XPO5: variants seen among roughly 807,000 people sequenced by gnomAD.
XPO5 encodes exportin 5.
A neutral mutation model predicts 160.6 loss-of-function variants in XPO5; 46 were observed. The ratio of observed to expected loss-of-function variants is 0.29; its 90% CI spans 0.23 to 0.37. The LOEUF (loss-of-function observed/expected upper bound fraction) is 0.37, where lower values mean the gene tolerates loss of function less well. Ranked by LOEUF, XPO5 falls within the 10% of genes least tolerant of loss-of-function variation. XPO5 has a pLI of 1.00. For synonymous variants in XPO5, 537 were observed against 519.3 expected (o/e 1.03, Z -0.46); for missense variants, 1,090 against 1,463.9 (o/e 0.74, Z 4.17).
chr6:43,529,399 AAAAAATT>A, intron 23 of XPO5: 1 of 375,796 alleles, frequency 2.7e-6, no homozygotes, highest in Non-Finnish European at 5.0e-6. Flanking sequence ...AAAAAAAAAA[AAAAAATT>A]AGTCGGGCAT....
chr6:43,558,687 G>A, intron 11 of XPO5, 96 bp from the exon 12 acceptor site: 3 of 909,512 alleles, frequency 3.3e-6, no homozygotes, highest in Non-Finnish European at 4.9e-6. Context: ...ATTTATTTAA[G>A]AGTTAAGCGT....
chr6:43,530,676 T>G lies in XPO5; in HGVS notation c.2677+12A>C. 1 of 1,611,412 alleles carries G rather than the reference T, an allele frequency of 6.2e-7. No homozygotes were observed. Among genetic ancestry groups the G allele is most frequent in the Non-Finnish European group, 8.5e-7 (1 of 1,179,186 alleles). ...GACCTTTTGGGTTATGTAGAGACTT[T>G]TGAAAGGATATGAAGCATGGGTCTG... is the stretch of plus-strand genomic sequence containing the variant. On this transcript the variant is annotated intron_variant, in intron 23 of 31. Coordinates refer to ENST00000265351, the MANE Select transcript of XPO5 (RefSeq NM_020750.3).
At chr6:43,553,741 C>T (rs1230883788) in intron 13 of XPO5, 5 of 731,320 alleles carry the variant, frequency 6.8e-6, no homozygotes, top group Non-Finnish European at 9.5e-6. Context: ...TAACAATGAG[C>T]GGTCTGAATT....
chr6:43,541,262 T>C (rs1303561968), intron 20 of XPO5, among the ~76,000 whole-genome samples: 3 of 152,328 alleles, frequency 2.0e-5, no homozygotes, highest in South Asian at 2.1e-4. Context: ...CAGTTGACTA[T>C]AACTGGATTG....
At chr6:43,575,638 G>A in intron 1 of XPO5, 122 bp downstream of exon 1, 8 of 833,190 alleles carry the variant, frequency 9.6e-6, no homozygotes, top group Non-Finnish European at 1.5e-5. Flanking sequence ...GTCCCGGGGA[G>A]TTGGGAAAGG....
rs1239338021 is a variant in XPO5 at position 43,522,402 on chromosome 6, T to G, written c.*1466A>C. ...TTAGAGTTAATGTTTCTACAAAAAG[T>G]TTCTATAAACAATAGAAAATTTCTA... On this transcript the variant is annotated 3_prime_UTR_variant, in exon 32 of 32. Coordinates refer to ENST00000265351, the MANE Select transcript of XPO5 (RefSeq NM_020750.3). The G allele has an allele frequency of 1.3e-5, 2 of 159,690 alleles. No homozygotes were observed. Among genetic ancestry groups the G allele is most frequent in the East Asian group, 1.8e-4 (1 of 5,496 alleles). The allele number at this position is 159,690 out of a possible 1,614,324, so 9.9% of individuals were successfully genotyped here. A position where few individuals can be genotyped will look rare whatever the true frequency, so the allele number is the denominator to read the frequency against.
At chr6:43,527,544 G>T (rs1793677353) in intron 26 of XPO5, 90 bp downstream of exon 26, 2 of 1,300,528 alleles carry the variant, frequency 1.5e-6, no homozygotes, top group East Asian at 2.3e-5. Context: ...TGAATCCTTT[G>T]CATTAGTCAG....
intron 13 of XPO5, 194 bp from the exon 14 acceptor site, chr6:43,553,697 T>G (rs1379369470): frequency 2.3e-5 from 29 of 1,247,696 alleles, no homozygotes; most frequent in African/African-American, 4.6e-5. Flanking sequence ...AGCAATGAGG[T>G]AGGTGAAGGT....
At chr6:43,539,212 G>A (rs932477883) in intron 20 of XPO5, 9 of 1,170,580 alleles carry the variant, frequency 7.7e-6, no homozygotes, top group Admixed American at 1.9e-5. Flanking sequence ...CTCTGTGCAC[G>A]GGGACAATGG....
At chr6:43,568,417 G>A (rs561218477) in intron 6 of XPO5, among the ~76,000 whole-genome samples, 2 of 152,112 alleles carry the variant, frequency 1.3e-5, no homozygotes, top group African/African-American at 4.8e-5. Flanking sequence ...TTTGACACCG[G>A]CCTAGGCAAC....
Position 43,573,580 on chromosome 6 carries a change from T to C in XPO5, c.127A>G (p.Lys43Glu). 2.5e-6 allele frequency: 4 copies of C among 1,613,360 alleles called. No homozygotes were observed. Among genetic ancestry groups the C allele is most frequent in the Non-Finnish European group, 2.5e-6 (3 of 1,179,548 alleles). ...ALKFCEEFKE[K>E]CPICVPCGLR... is the part of the protein sequence containing the mutation. ...CCACAGGGGACACAGATAGGACACT[T>C]TTCTTTAAACTCCTCACAAAACTGA... Residue 43 changes from lysine (K) to glutamate (E), a missense_variant, in exon 2 of 32, where the codon AAG (lysine) becomes GAG (glutamate). Around this residue, in one of 3 missense-constraint regions of XPO5, gnomAD observed 170 missense variants for 227.0 expected, o/e 0.75. Transcript: ENST00000265351.
At chr6:43,567,850 C>T (rs774134491) in intron 6 of XPO5, among the ~76,000 whole-genome samples, 23 of 151,006 alleles carry the variant, frequency 1.5e-4, no homozygotes, top group Non-Finnish European at 2.7e-4. Context: ...AGGTAAGGCT[C>T]ACTTGAAGCC....
intron 12 of XPO5, among the ~76,000 whole-genome samples, chr6:43,557,127 CAAA>C (rs58974895): frequency 3.3e-5 from 2 of 61,060 alleles, no homozygotes; most frequent in Non-Finnish European, 3.5e-5. Flanking sequence ...GACTCCATCT[CAAA>C]AAAAAAAAAA....
At chr6:43,550,222 T>C (rs1202158190) in intron 15 of XPO5, among the ~76,000 whole-genome samples, 1 of 152,210 alleles carries the variant, frequency 6.6e-6, no homozygotes, top group Non-Finnish European at 1.5e-5. Flanking sequence ...CGCCTCTCTC[T>C]TCTTTTATCA....
At position 43,523,938 on chromosome 6, in the gene XPO5, G is replaced by C; in HGVS notation, c.3545C>G (p.Thr1182Arg). The C allele has an allele frequency of 6.2e-7, 1 of 1,614,000 alleles. No homozygotes were observed. ...CACCTCCGTCTCCAGCATTGGCTTTGTTTTTTTGAAAAGTGAGGGAAGATT... is the reference window on the plus strand; with the variant it reads ...CACCTCCGTCTCCAGCATTGGCTTTCTTTTTTTGAAAAGTGAGGGAAGATT... ...IKNLPSLFKK[T>R]KPMLETEVLD... The change falls in exon 32 of 32, where the codon ACA (threonine) becomes AGA (arginine). Residue 1182 changes from threonine to arginine, a missense_variant. By Grantham distance (71) the Thr-to-Arg change is moderately conservative. Transcript: ENST00000265351.
At chr6:43,525,502 T>G in intron 28 of XPO5, 1 of 500,504 alleles carries the variant, frequency 2.0e-6, no homozygotes, top group South Asian at 2.9e-5. Flanking sequence ...TCTATTTTTG[T>G]GTATTGCCAG....
At chr6:43,570,440 A>C in intron 5 of XPO5, 62 bp downstream of exon 5, 1 of 1,485,298 alleles carries the variant, frequency 6.7e-7, no homozygotes, top group Non-Finnish European at 9.1e-7. Context: ...TCCTTACTGT[A>C]AGATTAATCA....
chr6:43,570,600 T>C lies in XPO5; in HGVS notation c.523A>G (p.Arg175Gly). 1 of 1,613,920 alleles carries C rather than the reference T, an allele frequency of 6.2e-7. No individual in the cohort carries two copies. The highest frequency in any genetic ancestry group is 8.5e-7 in the Non-Finnish European group (1 of 1,179,860). Residue 175 changes from arginine to glycine, a missense_variant, in exon 5 of 32, where the codon AGA becomes GGA. Arg to Gly is a moderately radical substitution (Grantham distance 125, BLOSUM62 -2). Coordinates refer to ENST00000265351, the MANE Select transcript of XPO5 (RefSeq NM_020750.3). ...VTFQTLPPQR[R>G]RDIQQTLTQN... ...GTTAATGTTTGCTGGATGTCCCTTC[T>C]TCTTTGAGGGGGAAGTGTCTGAAAA...
intron 28 of XPO5, 83 bp from the exon 29 acceptor site, chr6:43,525,297 G>GTT (rs369932860): frequency 2.7e-3 from 2,858 of 1,069,800 alleles, no homozygotes; most frequent in Non-Finnish European, 3.2e-3. Flanking sequence ...GAGCCGGAGG[G>GTT]TTTTTTTTTT....
Sources: gnomAD v4.1 joint callset for allele counts (sites outside exome capture counted in the v4.1 genomes callset) on GRCh38, gnomAD v4.1.1 for gene constraint, gnomAD v4.1.1 regional missense constraint, MANE v1.5 for transcripts, NCBI Gene and HGNC (gene_info 2026-07-23, HGNC 2026-07-21) for gene names.